The following GALNTL6 variants were observed in gnomAD, a reference collection of about 807,000 sequenced individuals.
GALNTL6 encodes polypeptide N-acetylgalactosaminyltransferase-like 6.
A neutral mutation model predicts 73.7 loss-of-function variants in GALNTL6; 46 were observed. The observed-to-expected ratio is 0.62, with a 90% CI of 0.49 to 0.80. GALNTL6 has a LOEUF of 0.80. Among genes scored for constraint, GALNTL6 ranks in the 30% least tolerant of loss-of-function variants. The pLI is 0.00. For missense variants in GALNTL6, 604 were observed against 755.0 expected (o/e 0.80, Z 2.34); for synonymous variants, 259 against 263.7 (o/e 0.98, Z 0.17).
At chr4:172,757,878 G>C (rs1217449265) in intron 5 of GALNTL6, among the ~76,000 whole-genome samples, 1 of 152,114 alleles carries the variant, frequency 6.6e-6, no homozygotes, top group African/African-American at 2.4e-5. Context: ...AATAGAAAAA[G>C]GTACAGAGAA....
At chr4:172,250,583 G>A (rs1426835011) in intron 3 of GALNTL6, among the ~76,000 whole-genome samples, 1 of 152,076 alleles carries the variant, frequency 6.6e-6, no homozygotes, top group Non-Finnish European at 1.5e-5. Context: ...GTTTGTAAGA[G>A]GCTTCCCCCT....
chr4:172,478,347 A>G (rs1213107955), intron 5 of GALNTL6, among the ~76,000 whole-genome samples: 5 of 152,178 alleles, frequency 3.3e-5, no homozygotes, highest in Admixed American at 6.5e-5. Context: ...AGAGAACACC[A>G]AAATAAAGCC....
intron 5 of GALNTL6, among the ~76,000 whole-genome samples, chr4:172,572,565 G>A (rs1736801587): frequency 6.6e-6 from 1 of 151,996 alleles, no homozygotes; most frequent in South Asian, 2.1e-4. Context: ...AAATAATTCT[G>A]ATAAAACCTT....
chr4:172,303,289 C>T (rs574854491), intron 3 of GALNTL6, among the ~76,000 whole-genome samples: 4 of 152,284 alleles, frequency 2.6e-5, no homozygotes, highest in South Asian at 4.1e-4. Context: ...TGAGCCACAG[C>T]GCCTGGCATT....
intron 3 of GALNTL6, among the ~76,000 whole-genome samples, chr4:172,264,064 G>C (rs1240247810): frequency 6.6e-6 from 1 of 151,420 alleles, no homozygotes; most frequent in Non-Finnish European, 1.5e-5. Context: ...AGCTGGGGGG[G>C]TGTGGATTTC....
intron 5 of GALNTL6, among the ~76,000 whole-genome samples, chr4:172,671,303 G>C (rs964947189): frequency 3.9e-5 from 6 of 152,080 alleles, no homozygotes; most frequent in African/African-American, 1.4e-4. Context: ...TTTTCCATTT[G>C]TTTGTGTTAT....
At chr4:171,963,202 T>G (rs1739281155) in intron 2 of GALNTL6, among the ~76,000 whole-genome samples, 1 of 151,844 alleles carries the variant, frequency 6.6e-6, no homozygotes, top group South Asian at 2.1e-4. Flanking sequence ...TCAAAAGGAG[T>G]GAAACTCTCA....
intron 5 of GALNTL6, among the ~76,000 whole-genome samples, chr4:172,387,059 C>G (rs1174187900): frequency 6.6e-6 from 1 of 152,068 alleles, no homozygotes; most frequent in East Asian, 1.9e-4. Context: ...AAGGTGACAG[C>G]CAAAATTAAT....
intron 5 of GALNTL6, among the ~76,000 whole-genome samples, chr4:172,586,801 C>T (rs72704857): frequency 0.03 from 4,519 of 152,248 alleles, 109 homozygotes; most frequent in Middle Eastern, 0.092. Context: ...AGTACTTGAA[C>T]GTGAAAGCTA....
chr4:172,428,833 T>A (rs1731322976), intron 5 of GALNTL6, among the ~76,000 whole-genome samples: 1 of 152,194 alleles, frequency 6.6e-6, no homozygotes, highest in Non-Finnish European at 1.5e-5. Context: ...TCAGTAGAAA[T>A]AGATCATCAG....
At chr4:171,963,848 A>C (rs949034954) in intron 2 of GALNTL6, among the ~76,000 whole-genome samples, 6 of 152,228 alleles carry the variant, frequency 3.9e-5, no homozygotes, top group African/African-American at 1.2e-4. Context: ...ATATTTCTGC[A>C]CATCTTGAGA....
chr4:172,246,817 T>G (rs904351614), intron 3 of GALNTL6, among the ~76,000 whole-genome samples: 6 of 148,544 alleles, frequency 4.0e-5, no homozygotes, highest in Admixed American at 3.4e-4. Flanking sequence ...TATATATATA[T>G]GTATATATAT....
At chr4:172,611,212 T>C (rs1483011906) in intron 5 of GALNTL6, among the ~76,000 whole-genome samples, 3 of 152,078 alleles carry the variant, frequency 2.0e-5, no homozygotes, top group African/African-American at 7.2e-5. Flanking sequence ...GCAGATTTGA[T>C]CTTGTCATTA....
At chr4:172,013,874 A>C in intron 2 of GALNTL6, among the ~76,000 whole-genome samples, 1 of 120,296 alleles carries the variant, frequency 8.3e-6, no homozygotes. Flanking sequence ...GCCCCCCACT[A>C]CCCTTCCCAG....
At chr4:171,888,420 C>A (rs116409136) in intron 2 of GALNTL6, among the ~76,000 whole-genome samples, 2 of 150,532 alleles carry the variant, frequency 1.3e-5, no homozygotes, top group African/African-American at 2.4e-5. Flanking sequence ...CCCTTATTGA[C>A]GTAAAATGGT....
intron 5 of GALNTL6, among the ~76,000 whole-genome samples, chr4:172,711,541 C>T (rs957134935): frequency 6.6e-6 from 1 of 152,028 alleles, no homozygotes; most frequent in African/African-American, 2.4e-5. Context: ...TGAATGTGTG[C>T]CGGGTGAACA....
chr4:172,309,472 ATAT>A (rs1265414431), intron 3 of GALNTL6, among the ~76,000 whole-genome samples: 4 of 152,098 alleles, frequency 2.6e-5, no homozygotes, highest in Non-Finnish European at 2.9e-5. Flanking sequence ...GGTACTAGAA[ATAT>A]TATTTCTTAA....
rs149910771 is a variant in GALNTL6 at position 171,988,720 on chromosome 4, A to G, written c.138+174002A>G. Among the ~76,000 whole-genome samples the G allele has an allele frequency of 5.1e-3, 770 of 152,298 alleles. 1 individual carries two copies. Among genetic ancestry groups the G allele is most frequent in the East Asian group, 0.013 (68 of 5,182 alleles). Reference sequence around the variant, plus strand: ...ATAGGCTTTAAAAGGCCATGCTGTAACAGGTGAGTGATAACAGGCTTTAAT... The same window carrying G: ...ATAGGCTTTAAAAGGCCATGCTGTAGCAGGTGAGTGATAACAGGCTTTAAT... On this transcript the variant is annotated intron_variant, in intron 2 of 12. Coordinates refer to ENST00000506823, the MANE Select transcript of GALNTL6 (RefSeq NM_001034845.3).
chr4:172,046,416 T>A (rs1742224293), intron 2 of GALNTL6, among the ~76,000 whole-genome samples: 1 of 152,134 alleles, frequency 6.6e-6, no homozygotes, highest in African/African-American at 2.4e-5. Context: ...CAACTCGTCA[T>A]TAACATTAGG....
Sources: allele counts gnomAD v4.1 joint callset (sites outside exome capture counted in the v4.1 genomes callset), GRCh38; gene constraint gnomAD v4.1.1; transcripts MANE v1.5; gene names NCBI Gene and HGNC (gene_info 2026-07-23, HGNC 2026-07-21).